The following IGDCC3 variants were observed in gnomAD, a reference collection of about 807,000 sequenced individuals.
IGDCC3 encodes putative neuronal cell adhesion molecule.
Under a neutral mutation model 72.0 loss-of-function variants are expected in IGDCC3, and 47 were observed. That is an observed-to-expected ratio of 0.65 (90% CI 0.52 to 0.83). The LOEUF (loss-of-function observed/expected upper bound fraction) is 0.83, where lower values mean the gene tolerates loss of function less well. IGDCC3 is among the 40% of genes least tolerant of loss of function. The pLI, the probability that IGDCC3 is intolerant of heterozygous loss-of-function variation, is 0.00. For missense variants in IGDCC3, 1,038 were observed against 1,091.3 expected (o/e 0.95, Z 0.69); for synonymous variants, 477 against 472.8 (o/e 1.01, Z -0.11).
chr15:65,370,620 G>GTGTATATATATATATATATATA (rs1491326161), intron 2 of IGDCC3, among the ~76,000 whole-genome samples: 6 of 94,590 alleles, frequency 6.3e-5, no homozygotes, highest in African/African-American at 2.1e-4. Context: ...ATATGTATGT[G>GTGTATATATATATATATATATA]TATATATATA....
chr15:65,372,795 G>A (rs996163625), intron 2 of IGDCC3, among the ~76,000 whole-genome samples: 13 of 152,310 alleles, frequency 8.5e-5, no homozygotes, highest in South Asian at 4.1e-4. Flanking sequence ...GAGTTATTAC[G>A]AAGGAGGAAA....
At position 65,329,734 on chromosome 15, in the gene IGDCC3, T is replaced by C. The variant is rs1370039929; in HGVS notation, c.1989A>G (p.Gln663=). Residue 663 remains glutamine, a synonymous_variant, in exon 12 of 14, where the codon CAA becomes CAG. Coordinates refer to ENST00000327987, the MANE Select transcript of IGDCC3 (RefSeq NM_004884.4). The surrounding 1 kb of genome is among the most constrained non-coding windows in gnomAD (Gnocchi z 4.1). Reference sequence around the variant, plus strand: ...CCTGGCCCAGGACCCACCTGCCCCTTTGGCCGAACAGGAGGAAGAGGACAC... The same window carrying C: ...CCTGGCCCAGGACCCACCTGCCCCTCTGGCCGAACAGGAGGAAGAGGACAC... The part of the protein sequence containing the change: ...IFCVLFLLFG[Q]RGRVLLCKDV... 2 of 1,614,036 alleles carry C rather than the reference T, an allele frequency of 1.2e-6. No homozygotes were observed. Among genetic ancestry groups the C allele is most frequent in the Non-Finnish European group, 1.7e-6 (2 of 1,180,008 alleles).
rs1421399849 is a variant in IGDCC3 at position 65,335,324 on chromosome 15, G to C, written c.652C>G (p.Arg218Gly). 1 of 1,613,340 alleles carries C rather than the reference G, an allele frequency of 6.2e-7. No individual in the cohort carries two copies. The highest frequency in any genetic ancestry group is 8.5e-7 in the Non-Finnish European group (1 of 1,179,692). ...HCVASNIASI[R>G]ISHGARLTVS... is the part of the protein sequence containing the mutation. ...GTGAGCCTGGCCCCGTGGCTGATCC[G>C]GATACTGGCGATGTTTGAGGCCACA... Residue 218 changes from arginine to glycine, a missense_variant, in exon 4 of 14, where the codon CGG becomes GGG. By Grantham distance (125) the Arg-to-Gly change is moderately radical. Transcript: ENST00000327987.
At chr15:65,369,632 C>T (rs2091310933) in intron 2 of IGDCC3, among the ~76,000 whole-genome samples, 1 of 152,270 alleles carries the variant, frequency 6.6e-6, no homozygotes, top group South Asian at 2.1e-4. Context: ...GAGACTTCCT[C>T]AGGCCTCCCT....
chr15:65,349,579 A>C (rs1045428323), intron 2 of IGDCC3, among the ~76,000 whole-genome samples: 1 of 152,194 alleles, frequency 6.6e-6, no homozygotes, highest in Non-Finnish European at 1.5e-5. Flanking sequence ...GGCTTAGAAC[A>C]CCTGTATGTC....
intron 2 of IGDCC3, chr15:65,356,106 GA>G: frequency 9.4e-6 from 2 of 213,776 alleles, no homozygotes; most frequent in Non-Finnish European, 2.0e-5. Context: ...CTTAATTCAG[GA>G]AAAACGGGCA....
Position 65,330,718 on chromosome 15 carries a change from C to G in IGDCC3, c.1585G>C (p.Val529Leu), listed in dbSNP as rs769687214. The change falls in exon 10 of 14, where the codon GTG becomes CTG. Residue 529 changes from valine (V) to leucine (L), a missense_variant. Val to Leu is a conservative substitution (Grantham distance 32). Coordinates refer to ENST00000327987, the MANE Select transcript of IGDCC3 (RefSeq NM_004884.4). ...GEAPAPPPLS[V>L]RVLGSSSLQL... ...AAGGAGGAGCTGCCCAGGACTCGCA[C>G]TGACAGTGGGGGTGGGGCAGGGGCT... 130 of 1,611,088 alleles carry G rather than the reference C, an allele frequency of 8.1e-5. 2 individuals are homozygous for G. In the Admixed American group the frequency reaches 2.2e-3, roughly 27 times the overall value.
Position 65,330,582 on chromosome 15 carries a change from C to T in IGDCC3, c.1721G>A (p.Gly574Glu). The change falls in exon 10 of 14, where the codon GGA (glycine) becomes GAA (glutamate). Residue 574 changes from glycine to glutamate, a missense_variant. Transcript: ENST00000327987. ...TSFTGPILLPGTVSSYNLSQL... is the reference protein window; with the variant it reads ...TSFTGPILLPETVSSYNLSQL... Reference sequence around the variant, plus strand: ...GCTGAGGTTGTAGGAGGAGACGGTTCCAGGCAGCAGGATGGGGCCGGTGAA... The same window carrying T: ...GCTGAGGTTGTAGGAGGAGACGGTTTCAGGCAGCAGGATGGGGCCGGTGAA... 1 of 1,613,576 alleles carries T rather than the reference C, an allele frequency of 6.2e-7. No individual in the cohort carries two copies. Among genetic ancestry groups the T allele is most frequent in the Non-Finnish European group, 8.5e-7 (1 of 1,179,988 alleles).
intron 2 of IGDCC3, among the ~76,000 whole-genome samples, chr15:65,362,726 G>A (rs953173344): frequency 5.3e-5 from 8 of 152,106 alleles, no homozygotes; most frequent in South Asian, 2.1e-4. Context: ...ACCCAGAGCC[G>A]GTCGTCAGTG....
Position 65,377,946 on chromosome 15 carries a change from G to A in IGDCC3, c.-158C>T. 1.7e-6 allele frequency: 1 copy of A among 576,806 alleles called. No individual in the cohort carries two copies. The highest frequency in any genetic ancestry group is 2.2e-6 in the Non-Finnish European group (1 of 451,898). 35.7% of individuals were successfully genotyped at this position (576,806 alleles called of 1,614,324 possible). On this transcript the variant is annotated 5_prime_UTR_variant, in exon 1 of 14. Transcript: ENST00000327987. This position sits in a 1 kb window ranked among gnomAD's most constrained non-coding sequence, Gnocchi z 4.9. ...GGGCCGCATGCCTGCTCAGCAGCGC[G>A]GGGGGCGCAGGGGGAGCGCCGCTTG...
At chr15:65,354,103 A>G (rs1372582995) in intron 2 of IGDCC3, among the ~76,000 whole-genome samples, 1 of 152,112 alleles carries the variant, frequency 6.6e-6, no homozygotes, top group African/African-American at 2.4e-5. Flanking sequence ...ATGGGGTTTC[A>G]CCACGTTGGC....
intron 2 of IGDCC3, among the ~76,000 whole-genome samples, chr15:65,366,692 G>A (rs571810729): frequency 1.3e-5 from 2 of 152,216 alleles, no homozygotes; most frequent in South Asian, 4.1e-4. Context: ...GCCCCCCACC[G>A]GCTTGCCTGC....
rs1272772950 is a variant in IGDCC3, at chr15:65,328,159, G to C, written c.*750C>G. On this transcript the variant is annotated 3_prime_UTR_variant, in exon 14 of 14. Coordinates refer to ENST00000327987, the MANE Select transcript of IGDCC3 (RefSeq NM_004884.4). The stretch of plus-strand genomic sequence containing the variant: ...TGCAGGAGAGGTAGGTGGGCTGTGG[G>C]CAGGAGGGGCGGGGAGGCAGGTCCA... The C allele has an allele frequency of 6.6e-6, 1 of 152,612 alleles. No individual in the cohort carries two copies. Among genetic ancestry groups the C allele is most frequent in the African/African-American group, 2.4e-5 (1 of 41,422 alleles). The allele number at this position is 152,612 out of a possible 1,614,324, so 9.5% of individuals were successfully genotyped here. A position where few individuals can be genotyped will look rare whatever the true frequency, so the allele number is the denominator to read the frequency against.
At chr15:65,358,316 G>A (rs2091239038) in intron 2 of IGDCC3, among the ~76,000 whole-genome samples, 1 of 151,934 alleles carries the variant, frequency 6.6e-6, no homozygotes, top group Non-Finnish European at 1.5e-5. Context: ...ATGTTGCCCA[G>A]GCTGGTCTCT....
At position 65,329,648 on chromosome 15, in the gene IGDCC3, C is replaced by T. The variant is rs2090958293; in HGVS notation, c.1998-51G>A. On this transcript the variant is annotated intron_variant, in intron 12 of 13. Coordinates refer to ENST00000327987, the MANE Select transcript of IGDCC3 (RefSeq NM_004884.4). The surrounding 1 kb of genome is among the most constrained non-coding windows in gnomAD (Gnocchi z 4.1). ...GAGGGAGAGAGAAAAGAGACAGAGGCAGTGAGCCCACACTCACCTTCTCTA... is the reference window on the plus strand; with the variant it reads ...GAGGGAGAGAGAAAAGAGACAGAGGTAGTGAGCCCACACTCACCTTCTCTA... 6.2e-6 allele frequency: 10 copies of T among 1,610,278 alleles called. No homozygotes were observed. The highest frequency in any genetic ancestry group is 8.5e-6 in the Non-Finnish European group (10 of 1,177,032).
chr15:65,377,689 C>A lies in IGDCC3; in HGVS notation c.100G>T (p.Glu34Ter). ...GGTCCGGGGCGCTTTCACTCACCCT[C>A]GCTCGGCGCGGGCAGCAGCAGCAAC... ...LLLLLLPAPS[E>*]GLGHSAELAF... The change falls in exon 1 of 14, where the codon GAG (glutamate) becomes TAG (stop). Residue 34 changes from glutamate to a stop codon, truncating the protein, a stop_gained. Coordinates refer to ENST00000327987, the MANE Select transcript of IGDCC3 (RefSeq NM_004884.4). LOFTEE classifies it high-confidence loss of function. The surrounding 1 kb of genome is among the most constrained non-coding windows in gnomAD (Gnocchi z 4.9). 7.0e-7 allele frequency: 1 copy of A among 1,429,764 alleles called. No homozygotes were observed. Among genetic ancestry groups the A allele is most frequent in the East Asian group, 3.0e-5 (1 of 33,642 alleles). 88.6% of individuals were successfully genotyped at this position (1,429,764 alleles called of 1,614,324 possible).
chr15:65,366,156 C>T lies in IGDCC3; in HGVS notation c.409+8941G>A, dbSNP rs1333996772. Among the ~76,000 whole-genome samples the T allele has an allele frequency of 6.1e-5, 9 of 146,686 alleles. No homozygotes were observed. In the East Asian group the frequency reaches 1.6e-3, roughly 26 times the overall value. On this transcript the variant is annotated intron_variant, in intron 2 of 13. Coordinates refer to ENST00000327987, the MANE Select transcript of IGDCC3 (RefSeq NM_004884.4). ...CCGGGAGGTGGAGGTTGCAGTGAGCCGAGATTGAGCCACTGCACTCCAGCC... is the reference window on the plus strand; with the variant it reads ...CCGGGAGGTGGAGGTTGCAGTGAGCTGAGATTGAGCCACTGCACTCCAGCC...
chr15:65,344,642 C>G (rs1372664246), intron 2 of IGDCC3, among the ~76,000 whole-genome samples: 1 of 152,174 alleles, frequency 6.6e-6, no homozygotes, highest in Non-Finnish European at 1.5e-5. Flanking sequence ...GGCGTGGCTG[C>G]AGGGGAGGCA....
rs539641220 is a variant in IGDCC3 at position 65,333,077 on chromosome 15, G to T, written c.982+180C>A. Among the ~76,000 whole-genome samples, 4 of 152,364 alleles carry T rather than the reference G, an allele frequency of 2.6e-5. No homozygotes were observed. In the East Asian group the frequency reaches 5.8e-4, roughly 22 times the overall value. On this transcript the variant is annotated intron_variant, in intron 6 of 13. Transcript: ENST00000327987. ...CCAAGACCATCCACCCATTCCCAAC[G>T]CAAGCATTCCTCGGGAAGAACGCAC...
Sources: gnomAD v4.1 joint callset for allele counts (sites outside exome capture counted in the v4.1 genomes callset) on GRCh38, gnomAD v4.1.1 for gene constraint, Gnocchi (gnomAD v3.1) non-coding constraint, MANE v1.5 for transcripts, NCBI Gene and HGNC (gene_info 2026-07-23, HGNC 2026-07-21) for gene names.